THSD7B: variants seen among roughly 807,000 people sequenced by gnomAD.
THSD7B encodes the protein thrombospondin type-1 domain-containing protein 7B.
Under a neutral mutation model 213.6 loss-of-function variants are expected in THSD7B, and 138 were observed. The observed-to-expected ratio is 0.65, with a 90% CI of 0.56 to 0.74. THSD7B has a LOEUF of 0.74. Among genes scored for constraint, THSD7B ranks in the 30% least tolerant of loss-of-function variants. THSD7B has a pLI of 0.00. For synonymous variants in THSD7B, 742 were observed against 687.0 expected (o/e 1.08, Z -1.25); for missense variants, 1,931 against 1,991.5 (o/e 0.97, Z 0.58).
At chr2:136,792,899 G>T (rs1681994516) in intron 1 of THSD7B, among the ~76,000 whole-genome samples, 1 of 151,936 alleles carries the variant, frequency 6.6e-6, no homozygotes, top group Non-Finnish European at 1.5e-5. Context: ...ATTCATCCAT[G>T]TTATTGCATT....
rs982531471 is a variant in THSD7B, at chr2:137,459,131, A to T, written c.3138+8108A>T. ...CCTCTTATACTAGTTTGAAAATTAAATCCAAACCGATGGGAGTACAGTATC... is the reference window on the plus strand; with the variant it reads ...CCTCTTATACTAGTTTGAAAATTAATTCCAAACCGATGGGAGTACAGTATC... On this transcript the variant is annotated intron_variant, in intron 15 of 27. Transcript: ENST00000409968. Among the ~76,000 whole-genome samples, 5 of 152,138 alleles carry T rather than the reference A, an allele frequency of 3.3e-5. 1 individual carries two copies. Among genetic ancestry groups the T allele is most frequent in the Non-Finnish European group, 7.3e-5 (5 of 68,028 alleles).
intron 2 of THSD7B, among the ~76,000 whole-genome samples, chr2:136,973,570 T>A (rs567462234): frequency 6.6e-6 from 1 of 152,338 alleles, no homozygotes; most frequent in East Asian, 1.9e-4. Flanking sequence ...CTTTAATATA[T>A]TCTGTTATTT....
rs920101643 is a variant in THSD7B, at chr2:137,677,703, T to A, written c.*1098T>A. Reference sequence around the variant, plus strand: ...TGACTTGTATTTATAACAAATAAACTGCTCAAGAGACTGCAGTGTTGGCTG... The same window carrying A: ...TGACTTGTATTTATAACAAATAAACAGCTCAAGAGACTGCAGTGTTGGCTG... On this transcript the variant is annotated 3_prime_UTR_variant, in exon 28 of 28. Coordinates refer to ENST00000409968, the MANE Select transcript of THSD7B (RefSeq NM_001316349.2). 2.0e-5 allele frequency: 3 copies of A among 152,662 alleles called. No individual in the cohort carries two copies. Among genetic ancestry groups the A allele is most frequent in the Non-Finnish European group, 4.4e-5 (3 of 68,032 alleles). 9.5% of individuals were successfully genotyped at this position (152,662 alleles called of 1,614,324 possible). A position where few individuals can be genotyped will look rare whatever the true frequency, so the allele number is the denominator to read the frequency against.
intron 2 of THSD7B, among the ~76,000 whole-genome samples, chr2:136,935,956 G>C (rs1684719011): frequency 6.8e-6 from 1 of 146,116 alleles, no homozygotes; most frequent in South Asian, 2.1e-4. Flanking sequence ...ATATATTCTA[G>C]AGAATATTCT....
At chr2:137,233,504 G>T (rs1445501098) in intron 9 of THSD7B, among the ~76,000 whole-genome samples, 1 of 152,224 alleles carries the variant, frequency 6.6e-6, no homozygotes, top group East Asian at 1.9e-4. Context: ...TTGAAATATA[G>T]GGTTGTGTCT....
chr2:137,109,743 A>C (rs1688314586), intron 4 of THSD7B, among the ~76,000 whole-genome samples: 1 of 118,866 alleles, frequency 8.4e-6, no homozygotes, highest in African/African-American at 2.7e-5. Flanking sequence ...GTAAATACAG[A>C]TGAAGCTTCA....
At chr2:137,039,917 G>C (rs1686849637) in intron 2 of THSD7B, among the ~76,000 whole-genome samples, 1 of 152,152 alleles carries the variant, frequency 6.6e-6, no homozygotes, top group Non-Finnish European at 1.5e-5. Flanking sequence ...TTGTGTTTCT[G>C]TCCACATGCT....
At chr2:137,195,216 G>A (rs1161346318) in intron 7 of THSD7B, among the ~76,000 whole-genome samples, 2 of 149,654 alleles carry the variant, frequency 1.3e-5, no homozygotes, top group African/African-American at 5.0e-5. Flanking sequence ...ATAGCTATTT[G>A]TATGTATATG....
At chr2:136,996,669 A>G (rs1219495503) in intron 2 of THSD7B, among the ~76,000 whole-genome samples, 1 of 152,212 alleles carries the variant, frequency 6.6e-6, no homozygotes, top group Non-Finnish European at 1.5e-5. Context: ...TGTATGATTT[A>G]GAAACACACT....
At chr2:137,118,341 C>A (rs939162067) in intron 5 of THSD7B, among the ~76,000 whole-genome samples, 1 of 152,130 alleles carries the variant, frequency 6.6e-6, no homozygotes, top group South Asian at 2.1e-4. Flanking sequence ...TCAAGGAATG[C>A]ACTTTCAAAA....
chr2:137,368,749 CTG>C (rs950778109), intron 12 of THSD7B, among the ~76,000 whole-genome samples: 9 of 152,172 alleles, frequency 5.9e-5, no homozygotes, highest in African/African-American at 2.2e-4. Flanking sequence ...AGGTAAAAGA[CTG>C]TGTTGAATTT....
At position 137,656,869 on chromosome 2, in the gene THSD7B, G is replaced by A. The variant is rs1683246249; in HGVS notation, c.4179G>A (p.Glu1393=). Residue 1393 remains glutamate (E), a synonymous_variant, in exon 23 of 28, where the codon GAG becomes GAA. Transcript: ENST00000409968. ...ELTCIDGRSF[E]TVGRQSRSRT... Reference sequence around the variant, plus strand: ...CCTGCATTGATGGAAGAAGCTTTGAGACTGTGGGCCGCCAGTCTAGATCAA... The same window carrying A: ...CCTGCATTGATGGAAGAAGCTTTGAAACTGTGGGCCGCCAGTCTAGATCAA... The A allele has an allele frequency of 6.2e-7, 1 of 1,613,910 alleles. No homozygotes were observed. The highest frequency in any genetic ancestry group is 1.3e-5 in the African/African-American group (1 of 74,928).
chr2:137,462,047 T>A (rs922597023), intron 15 of THSD7B, among the ~76,000 whole-genome samples: 2 of 152,178 alleles, frequency 1.3e-5, no homozygotes, highest in Non-Finnish European at 2.9e-5. Flanking sequence ...TTTCCATGGA[T>A]TCAATTACCT....
chr2:137,438,492 T>C (rs1009230233), intron 14 of THSD7B, among the ~76,000 whole-genome samples: 2 of 152,164 alleles, frequency 1.3e-5, no homozygotes, highest in African/African-American at 4.8e-5. Flanking sequence ...TAGTCACCTC[T>C]GCTTGTTGCG....
At chr2:137,061,091 C>CT (rs1259604464) in intron 3 of THSD7B, among the ~76,000 whole-genome samples, 2 of 151,254 alleles carry the variant, frequency 1.3e-5, no homozygotes, top group Non-Finnish European at 3.0e-5. Flanking sequence ...ATTAATTTAC[C>CT]TTTTTTGGTG....
At chr2:137,338,471 G>T (rs935399134) in intron 12 of THSD7B, among the ~76,000 whole-genome samples, 1 of 151,926 alleles carries the variant, frequency 6.6e-6, no homozygotes, top group Admixed American at 6.6e-5. Flanking sequence ...ATTCATGATG[G>T]CATCTTAGAG....
At chr2:137,321,257 G>A (rs1573960139) in intron 12 of THSD7B, among the ~76,000 whole-genome samples, 2 of 152,286 alleles carry the variant, frequency 1.3e-5, no homozygotes, top group South Asian at 4.1e-4. Flanking sequence ...TATGTATGGT[G>A]TAGAATAGGA....
chr2:136,838,048 T>G (rs891340386), intron 1 of THSD7B, among the ~76,000 whole-genome samples: 1 of 152,232 alleles, frequency 6.6e-6, no homozygotes, highest in African/African-American at 2.4e-5. Flanking sequence ...GTATGTTTTT[T>G]ATAAAGCATA....
chr2:137,136,564 C>T (rs145475936), intron 5 of THSD7B, among the ~76,000 whole-genome samples: 1 of 152,272 alleles, frequency 6.6e-6, no homozygotes, highest in East Asian at 1.9e-4. Flanking sequence ...TGAATGGGCA[C>T]AGTCAGCTAT....
Sources: gnomAD v4.1 joint callset for allele counts (sites outside exome capture counted in the v4.1 genomes callset) on GRCh38, gnomAD v4.1.1 for gene constraint, MANE v1.5 for transcripts, NCBI Gene and HGNC (gene_info 2026-07-23, HGNC 2026-07-21) for gene names.